MYOM1: variants seen among roughly 807,000 people sequenced by gnomAD.
The protein encoded by MYOM1 is myomesin 1, also known as myomesin-1.
A neutral mutation model predicts 205.3 loss-of-function variants in MYOM1; 164 were observed. That is an observed-to-expected ratio of 0.80 (90% CI 0.70 to 0.91). The LOEUF (loss-of-function observed/expected upper bound fraction) is 0.91. Ranked by LOEUF, MYOM1 falls within the 40% of genes least tolerant of loss-of-function variation. The probability of loss-of-function intolerance (pLI) is 0.00; values close to 1 mark genes in which losing one functional copy is unlikely to be tolerated. For missense variants in MYOM1, 2,011 were observed against 2,127.3 expected, an observed-to-expected ratio of 0.95 and a Z score of 1.08; for synonymous variants, 772 against 789.4, an observed-to-expected ratio of 0.98 and a Z score of 0.37.
rs1732435889 is a variant in MYOM1, at chr18:3,119,950, C to T, written c.3037G>A (p.Ala1013Thr). The change falls in exon 20 of 38, where the codon GCC becomes ACC. Residue 1013 changes from alanine (A) to threonine (T), a missense_variant. By Grantham distance (58) the Ala-to-Thr change is moderately conservative. Transcript: ENST00000356443. ...ENMVYQFQVA[A>T]MNMAGLGAPS... ...GCGCCCAGCCCAGCCATGTTCATGG[C>T]TGCCACTTGGAACTGATACACCATG... is the stretch of plus-strand genomic sequence containing the variant. 2.5e-6 allele frequency: 4 copies of T among 1,610,292 alleles called. No individual in the cohort carries two copies. The highest frequency in any genetic ancestry group is 3.4e-6 in the Non-Finnish European group (4 of 1,178,238).
the MYOM1 span, among the ~76,000 whole-genome samples, chr18:3,242,533 G>C: frequency 6.6e-6 from 1 of 152,088 alleles, no homozygotes; most frequent in African/African-American, 2.4e-5. Flanking sequence ...TTCTGAGATG[G>C]AGTCTTGCTC....
intron 19 of MYOM1, among the ~76,000 whole-genome samples, chr18:3,122,947 T>C (rs1567917946): frequency 6.6e-6 from 1 of 152,166 alleles, no homozygotes; most frequent in East Asian, 1.9e-4. Flanking sequence ...AAAATTTCCC[T>C]TTAAGATAAC....
intron 25 of MYOM1, among the ~76,000 whole-genome samples, chr18:3,097,257 C>A (rs1430141928): frequency 1.3e-5 from 2 of 152,114 alleles, no homozygotes; most frequent in African/African-American, 4.8e-5. Context: ...ATCCTACCAC[C>A]AGACCTCTGA....
At chr18:3,175,985 G>A in intron 6 of MYOM1, 57 bp downstream of exon 6, 1 of 1,058,958 alleles carries the variant, frequency 9.4e-7, no homozygotes, top group South Asian at 1.3e-5. Context: ...TAACTGCAGG[G>A]GTGAGAAGCC....
chr18:3,244,936 CAA>C, the MYOM1 span, among the ~76,000 whole-genome samples: 1 of 110,260 alleles, frequency 9.1e-6, no homozygotes, highest in African/African-American at 3.3e-5. Flanking sequence ...AATAAAAATA[CAA>C]AAAAAAAAAT....
chr18:3,142,090 A>C, intron 13 of MYOM1, 27 bp from the exon 14 acceptor site: 2 of 1,611,360 alleles, frequency 1.2e-6, no homozygotes, highest in Non-Finnish European at 8.5e-7. Context: ...AAAAATGAGA[A>C]GCACACATTC....
chr18:3,227,593 C>T, the MYOM1 span, among the ~76,000 whole-genome samples: 7 of 152,096 alleles, frequency 4.6e-5, no homozygotes, highest in South Asian at 6.2e-4. Context: ...CCGAGGTGGG[C>T]GAGTCACAAG....
intron 25 of MYOM1, 114 bp downstream of exon 25, chr18:3,100,045 A>T: frequency 9.3e-7 from 1 of 1,078,838 alleles, no homozygotes; most frequent in Non-Finnish European, 1.4e-6. Flanking sequence ...GTGTTCCATT[A>T]TATGTTCTCA....
the MYOM1 span, among the ~76,000 whole-genome samples, chr18:3,228,209 CAGA>C: frequency 6.6e-6 from 1 of 152,202 alleles, no homozygotes; most frequent in Admixed American, 6.5e-5. The surrounding 1 kb of genome is among the most constrained non-coding windows in gnomAD (Gnocchi z 4.5). Context: ...GGCTGCATTA[CAGA>C]AGAAGAATCT....
intron 5 of MYOM1, 76 bp downstream of exon 5, chr18:3,187,404 T>G (rs972912781): frequency 2.0e-6 from 3 of 1,493,544 alleles, no homozygotes; most frequent in Non-Finnish European, 2.8e-6. Flanking sequence ...TGCATATGGT[T>G]GTTCTGTGTG....
At chr18:3,100,239 C>T (rs763044026) in intron 24 of MYOM1, 36 bp from the exon 25 acceptor site, 6 of 1,613,626 alleles carry the variant, frequency 3.7e-6, no homozygotes, top group African/African-American at 1.3e-5. Context: ...AAACCTTAAA[C>T]TACTAAAATA....
intron 10 of MYOM1, among the ~76,000 whole-genome samples, chr18:3,157,085 T>C (rs904723289): frequency 3.9e-5 from 6 of 152,248 alleles, no homozygotes; most frequent in Admixed American, 1.3e-4. Context: ...TGGCAACCTC[T>C]AGCCATGTCC....
At chr18:3,187,678 C>T in intron 4 of MYOM1, 41 bp from the exon 5 acceptor site, 4 of 1,504,416 alleles carry the variant, frequency 2.7e-6, no homozygotes, top group Non-Finnish European at 3.6e-6. Context: ...TACCAAAATA[C>T]CAATAAATCA....
chr18:3,076,939 C>T (rs1423967813), intron 34 of MYOM1, among the ~76,000 whole-genome samples: 7 of 151,906 alleles, frequency 4.6e-5, no homozygotes, highest in Non-Finnish European at 8.8e-5. Context: ...GTCTCGATCT[C>T]CCGACCTCGT....
At position 3,120,028 on chromosome 18, in the gene MYOM1, G is replaced by A. The variant is rs1333575287; in HGVS notation, c.2992-33C>T. 3 of 1,528,020 alleles carry A rather than the reference G, an allele frequency of 2.0e-6. No individual in the cohort carries two copies. The South Asian group carries it at 3.8e-5, about 19-fold the overall frequency. 94.7% of individuals were successfully genotyped at this position (1,528,020 alleles called of 1,614,324 possible). On this transcript the variant is annotated intron_variant, in intron 19 of 37. Transcript: ENST00000356443. ...ATTGACAACATCACAGATACTGAAT[G>A]TTCCAGGTTTGTTTTTTTTTTTCTA...
chr18:3,087,532 C>A (rs1170275665), intron 29 of MYOM1, among the ~76,000 whole-genome samples: 1 of 150,324 alleles, frequency 6.7e-6, no homozygotes, highest in Admixed American at 6.6e-5. Flanking sequence ...CTCTATCACC[C>A]AGGCTGGAGT....
intron 10 of MYOM1, among the ~76,000 whole-genome samples, chr18:3,158,113 A>G (rs117397022): frequency 0.011 from 1,750 of 152,314 alleles, 18 homozygotes; most frequent in Non-Finnish European, 0.018. Flanking sequence ...TCCCTTTTTT[A>G]CAACCCAGAG....
rs187140916 is a variant in MYOM1, at chr18:3,205,693, A to G, written c.290+9241T>C. 4.7e-3 allele frequency among the ~76,000 whole-genome samples: 711 copies of G among 152,314 alleles called. 4 individuals are homozygous for G. Among genetic ancestry groups the G allele is most frequent in the Non-Finnish European group, 5.2e-3 (357 of 68,008 alleles). On this transcript the variant is annotated intron_variant, in intron 2 of 37. Transcript: ENST00000356443. ...AGAGTTAAATGTAAACTTAGCATAC[A>G]ACCCAGCTGGTATTTCAGAAAGTGC...
chr18:3,087,559 G>A (rs1336729735), intron 29 of MYOM1, among the ~76,000 whole-genome samples: 5 of 148,184 alleles, frequency 3.4e-5, no homozygotes, highest in Non-Finnish European at 5.9e-5. Flanking sequence ...GCATGATCTC[G>A]GCTCACTGCA....
Sources: gnomAD v4.1 joint callset for allele counts (sites outside exome capture counted in the v4.1 genomes callset) on GRCh38, gnomAD v4.1.1 for gene constraint, Gnocchi (gnomAD v3.1) non-coding constraint, MANE v1.5 for transcripts, NCBI Gene and HGNC (gene_info 2026-07-23, HGNC 2026-07-21) for gene names.